TMPO: variants seen among roughly 807,000 people sequenced by gnomAD.
The protein encoded by TMPO is LEM domain containing 4.
A neutral mutation model predicts 45.4 loss-of-function variants in TMPO; 22 were observed. The ratio of observed to expected loss-of-function variants is 0.48; its 90% confidence interval spans 0.35 to 0.69. The LOEUF is 0.69. Among genes scored for constraint, TMPO ranks in the 30% least tolerant of loss-of-function variants. The pLI is 0.01. For synonymous variants in TMPO, 241 were observed against 204.1 expected (o/e 1.18, Z -1.54); for missense variants, 512 against 548.8 (o/e 0.93, Z 0.67).
chr12:98,545,815 C>T (rs1398906240), intron 7 of TMPO, among the ~76,000 whole-genome samples: 1 of 152,092 alleles, frequency 6.6e-6, no homozygotes, highest in East Asian at 1.9e-4. Context: ...TCACTGCAAC[C>T]TCCGCCTCCT....
At chr12:98,535,621 A>C (rs1877520072) in intron 3 of TMPO, 1 of 985,334 alleles carries the variant, frequency 1.0e-6, no homozygotes, top group Non-Finnish European at 1.2e-6. Flanking sequence ...TAAAGTTGTT[A>C]AATTTGAACA....
In TMPO at chr12:98,533,405, C is replaced by T. The variant is rs202166461; in HGVS notation, c.565+1567C>T. The T allele has an allele frequency of 1.3e-5, 21 of 1,614,200 alleles. No individual in the cohort carries two copies. In the Admixed American group the frequency reaches 3.0e-4, roughly 23 times the overall value. On this transcript the variant is annotated intron_variant, in intron 3 of 8. Coordinates refer to ENST00000556029, the MANE Select transcript of TMPO (RefSeq NM_001032283.3). ...CAGGCAATCAGAGATTATGTCAATTCTCTGTTGGTCCAGGGTGGGGTAGGT... is the reference window on the plus strand; with the variant it reads ...CAGGCAATCAGAGATTATGTCAATTTTCTGTTGGTCCAGGGTGGGGTAGGT...
intron 1 of TMPO, among the ~76,000 whole-genome samples, chr12:98,524,291 G>A (rs1876594941): frequency 6.6e-6 from 1 of 152,142 alleles, no homozygotes; most frequent in Admixed American, 6.5e-5. Flanking sequence ...TTAAGATTTT[G>A]GGCTGGGTGC....
intron 6 of TMPO, chr12:98,544,740 T>C: frequency 1.5e-6 from 1 of 647,206 alleles, no homozygotes; most frequent in Non-Finnish European, 2.7e-6. Context: ...TAATTCATTG[T>C]ACAAGAAAGT....
At chr12:98,528,881 A>G (rs1592940323) in intron 2 of TMPO, among the ~76,000 whole-genome samples, 2 of 151,976 alleles carry the variant, frequency 1.3e-5, no homozygotes, top group African/African-American at 2.4e-5. Flanking sequence ...ATTGCTTGAG[A>G]TGGTGGGGGG....
chr12:98,541,797 G>A lies in TMPO; in HGVS notation c.664-2433G>A, dbSNP rs529921545. Among the ~76,000 whole-genome samples, 13 of 152,174 alleles carry A rather than the reference G, an allele frequency of 8.5e-5. No homozygotes were observed. In the East Asian group the frequency reaches 2.5e-3, roughly 29 times the overall value. ...CCTTTTCCCTTCCATCTACAGATAAGCATTTTTATTGTTTTGATTTATATT... is the reference window on the plus strand; with the variant it reads ...CCTTTTCCCTTCCATCTACAGATAAACATTTTTATTGTTTTGATTTATATT... On this transcript the variant is annotated intron_variant, in intron 4 of 8. Coordinates refer to ENST00000556029, the MANE Select transcript of TMPO (RefSeq NM_001032283.3).
intron 4 of TMPO, among the ~76,000 whole-genome samples, chr12:98,537,891 A>C (rs1451073790): frequency 1.3e-5 from 2 of 152,230 alleles, no homozygotes; most frequent in African/African-American, 4.8e-5. Flanking sequence ...CAATTTCTTT[A>C]AAAGGCAATG....
At chr12:98,542,152 G>A (rs939590023) in intron 4 of TMPO, among the ~76,000 whole-genome samples, 1 of 152,182 alleles carries the variant, frequency 6.6e-6, no homozygotes, top group Non-Finnish European at 1.5e-5. Context: ...TCTTGGGGAA[G>A]CGTACCAGTA....
intron 1 of TMPO, among the ~76,000 whole-genome samples, chr12:98,525,917 C>G (rs1202969381): frequency 6.6e-6 from 1 of 151,914 alleles, no homozygotes; most frequent in African/African-American, 2.4e-5. Context: ...GTAAAATTTA[C>G]TTTGATGTTG....
rs181272757 is a variant in TMPO, at chr12:98,516,210, C to T, written c.279+64C>T. 290 of 1,317,404 alleles carry T rather than the reference C, an allele frequency of 2.2e-4. 1 individual carries two copies. In the East Asian group the frequency reaches 7.1e-3, roughly 32 times the overall value. The allele number at this position is 1,317,404 out of a possible 1,614,324, so 81.6% of individuals were successfully genotyped here. On this transcript the variant is annotated intron_variant, in intron 1 of 8. Transcript: ENST00000556029. The stretch of plus-strand genomic sequence containing the variant: ...GGCGGTTGCCGCGCGCGCTCGCCGC[C>T]GTTTGCAGCCCCTCCCTCCCGGGCG...
chr12:98,524,213 A>G (rs964951320), intron 1 of TMPO, among the ~76,000 whole-genome samples: 4 of 152,302 alleles, frequency 2.6e-5, no homozygotes, highest in East Asian at 1.9e-4. Flanking sequence ...ACAATTACAA[A>G]CAGATTATCT....
In TMPO at chr12:98,547,716, G is replaced by C. The variant is rs1305589321; in HGVS notation, c.1223G>C (p.Gly408Ala). The C allele has an allele frequency of 6.2e-7, 1 of 1,614,136 alleles. No individual in the cohort carries two copies. The highest frequency in any genetic ancestry group is 2.2e-5 in the East Asian group (1 of 44,872). The change falls in exon 9 of 9, where the codon GGA (glycine) becomes GCA (alanine). Residue 408 changes from glycine (G) to alanine (A), a missense_variant. By Grantham distance (60) the Gly-to-Ala change is moderately conservative. Coordinates refer to ENST00000556029, the MANE Select transcript of TMPO (RefSeq NM_001032283.3). ...ADVKSEKTKK[G>A]RSIPVWIKIL... ...GTCAAGTCAGAAAAGACAAAAAAGG[G>C]ACGCTCCATTCCCGTATGGATAAAA...
intron 4 of TMPO, 55 bp downstream of exon 4, chr12:98,537,627 C>G (rs557721075): frequency 1.9e-4 from 251 of 1,323,996 alleles, no homozygotes; most frequent in Admixed American, 4.0e-4. Context: ...CCTGACAACA[C>G]TAATCCATGT....
chr12:98,544,270 G>A lies in TMPO; in HGVS notation c.704G>A (p.Ser235Asn), dbSNP rs777983231. Residue 235 changes from serine to asparagine, a missense_variant, in exon 5 of 9, where the codon AGT (serine) becomes AAT (asparagine). Ser to Asn is a conservative substitution (Grantham distance 46). Transcript: ENST00000556029. ...QAGITETEWT[S>N]GSSKGGPLQA... is the part of the protein sequence containing the mutation. The stretch of plus-strand genomic sequence containing the variant: ...GGAATAACTGAGACTGAATGGACAA[G>A]TGGATCTTCAAAAGGCGGACCTCTG... 4 of 1,613,968 alleles carry A rather than the reference G, an allele frequency of 2.5e-6. No homozygotes were observed. In the Admixed American group the frequency reaches 5.0e-5, roughly 20 times the overall value.
At chr12:98,538,725 C>G (rs547978432) in intron 4 of TMPO, among the ~76,000 whole-genome samples, 2 of 152,116 alleles carry the variant, frequency 1.3e-5, no homozygotes, top group Non-Finnish European at 2.9e-5. Context: ...TCTCTCTCTT[C>G]ATTTGATGTA....
intron 1 of TMPO, among the ~76,000 whole-genome samples, chr12:98,517,954 G>A (rs113882661): frequency 0.13 from 19,812 of 152,140 alleles, 2,189 homozygotes; most frequent in African/African-American, 0.3. Context: ...CCTGAGGTCA[G>A]GAGTTCTAGA....
At chr12:98,534,392 C>T (rs1452916056) in intron 3 of TMPO, 1 of 1,603,666 alleles carries the variant, frequency 6.2e-7, no homozygotes, top group Admixed American at 1.7e-5. Flanking sequence ...GTACTTTATG[C>T]CAACATTTTC....
chr12:98,523,682 C>CT (rs1329876396), intron 1 of TMPO, among the ~76,000 whole-genome samples: 4 of 151,776 alleles, frequency 2.6e-5, no homozygotes, highest in Non-Finnish European at 5.9e-5. Context: ...TTCTTTCTTT[C>CT]TTTTTTTTCT....
At chr12:98,526,422 C>G (rs1180328100) in intron 1 of TMPO, among the ~76,000 whole-genome samples, 2 of 152,184 alleles carry the variant, frequency 1.3e-5, no homozygotes, top group African/African-American at 4.8e-5. Flanking sequence ...CACATCCTCC[C>G]TTATACTTCA....
Sources: allele counts gnomAD v4.1 joint callset (sites outside exome capture counted in the v4.1 genomes callset), GRCh38; gene constraint gnomAD v4.1.1; transcripts MANE v1.5; gene names NCBI Gene and HGNC (gene_info 2026-07-23, HGNC 2026-07-21).